Variants in PCDH15 observed in about 807,000 individuals in gnomAD.
PCDH15 encodes protocadherin related 15, also known as protocadherin-15.
PCDH15 carries 129 observed loss-of-function variants against 178.5 expected under a neutral mutation model. That is an observed-to-expected ratio of 0.72 (90% CI 0.63 to 0.84). The LOEUF (loss-of-function observed/expected upper bound fraction) is 0.84, where lower values mean the gene tolerates loss of function less well. Ranked by LOEUF, PCDH15 falls within the 40% of genes least tolerant of loss-of-function variation. PCDH15 has a pLI of 0.00. For synonymous variants in PCDH15, 800 were observed against 732.0 expected, an observed-to-expected ratio of 1.09 and a Z score of -1.50; for missense variants, 2,230 against 2,099.9, an observed-to-expected ratio of 1.06 and a Z score of -1.21.
chr10:54,576,951 T>A (rs2090535104), intron 2 of PCDH15, among the ~76,000 whole-genome samples: 1 of 152,122 alleles, frequency 6.6e-6, no homozygotes, highest in Non-Finnish European at 1.5e-5. Flanking sequence ...CCAAGTTATT[T>A]TTTTTTACTG....
chr10:54,685,217 C>T (rs959461261), intron 1 of PCDH15, among the ~76,000 whole-genome samples: 7 of 151,928 alleles, frequency 4.6e-5, no homozygotes, highest in Non-Finnish European at 8.8e-5. Context: ...GATAATAATG[C>T]CTTCTTCTGG....
chr10:54,172,094 C>T (rs1230946045), intron 13 of PCDH15, among the ~76,000 whole-genome samples: 3 of 152,088 alleles, frequency 2.0e-5, no homozygotes, highest in Non-Finnish European at 4.4e-5. Context: ...CATCGCATCC[C>T]CTGTGACTTG....
intron 18 of PCDH15, among the ~76,000 whole-genome samples, chr10:54,064,886 G>A (rs2094107701): frequency 6.6e-6 from 1 of 152,164 alleles, no homozygotes; most frequent in African/African-American, 2.4e-5. Flanking sequence ...GGCAGCTGGA[G>A]CTACACCCAG....
chr10:54,966,201 A>C (rs1838783487), intron 2 of PCDH15, among the ~76,000 whole-genome samples: 2 of 152,008 alleles, frequency 1.3e-5, no homozygotes, highest in South Asian at 4.1e-4. Context: ...TTTTTAAAAA[A>C]ATATTGTTTT....
At chr10:55,380,824 C>T (rs1029972772) in intron 2 of PCDH15, among the ~76,000 whole-genome samples, 3 of 152,088 alleles carry the variant, frequency 2.0e-5, no homozygotes, top group East Asian at 1.9e-4. Context: ...GGCTAGATAA[C>T]GTGTTATCTT....
intron 3 of PCDH15, among the ~76,000 whole-genome samples, chr10:54,413,695 A>G (rs1953897875): frequency 1.3e-5 from 2 of 152,178 alleles, no homozygotes; most frequent in African/African-American, 4.8e-5. Context: ...TAACTTTCTT[A>G]TATTTCATCA....
intron 2 of PCDH15, among the ~76,000 whole-genome samples, chr10:55,076,443 T>TA (rs569630679): frequency 1.3e-5 from 2 of 150,444 alleles, no homozygotes; most frequent in Non-Finnish European, 1.5e-5. Flanking sequence ...TTTTTTTTTT[T>TA]ATCTTCTTGG....
intron 3 of PCDH15, among the ~76,000 whole-genome samples, chr10:54,822,599 G>C (rs116087775): frequency 0.014 from 2,201 of 152,092 alleles, 48 homozygotes; most frequent in African/African-American, 0.049. Context: ...ATAAGCATAG[G>C]GGTGCAAGTA....
At chr10:54,450,135 AT>A (rs1554976348) in intron 3 of PCDH15, among the ~76,000 whole-genome samples, 1 of 47,618 alleles carries the variant, frequency 2.1e-5, no homozygotes, top group East Asian at 3.9e-4. Flanking sequence ...TTATAAATAT[AT>A]ATATATATAT....
intron 2 of PCDH15, among the ~76,000 whole-genome samples, chr10:54,916,129 G>A (rs1954897942): frequency 6.6e-6 from 1 of 150,606 alleles, no homozygotes; most frequent in Non-Finnish European, 1.5e-5. Flanking sequence ...CTGCAACCAT[G>A]CCTGGCTAAT....
intron 9 of PCDH15, among the ~76,000 whole-genome samples, chr10:54,234,336 T>G (rs1476595322): frequency 6.6e-6 from 1 of 152,210 alleles, no homozygotes; most frequent in Non-Finnish European, 1.5e-5. Flanking sequence ...TACAATGTAT[T>G]GGATCAAATT....
chr10:54,320,172 A>G (rs572065728), intron 7 of PCDH15, among the ~76,000 whole-genome samples: 2 of 152,234 alleles, frequency 1.3e-5, no homozygotes, highest in East Asian at 3.9e-4. Flanking sequence ...TGTCACTAAA[A>G]GCAGATACTT....
At chr10:55,450,502 G>A (rs759789970) in intron 2 of PCDH15, among the ~76,000 whole-genome samples, 3 of 152,084 alleles carry the variant, frequency 2.0e-5, no homozygotes, top group African/African-American at 7.2e-5. Flanking sequence ...AGCCCTCTCC[G>A]GCATTTACCT....
At chr10:54,527,110 A>G (rs549463964) in intron 3 of PCDH15, among the ~76,000 whole-genome samples, 1 of 152,170 alleles carries the variant, frequency 6.6e-6, no homozygotes, top group South Asian at 2.1e-4. Context: ...GAGTCCCAAG[A>G]GATAACCATT....
At chr10:55,333,105 G>A (rs1354367392) in intron 2 of PCDH15, among the ~76,000 whole-genome samples, 1 of 152,122 alleles carries the variant, frequency 6.6e-6, no homozygotes, top group Admixed American at 6.6e-5. Context: ...ATAAAATAAT[G>A]TGGTAATTTG....
chr10:54,125,591 A>C (rs1319973445), intron 15 of PCDH15, among the ~76,000 whole-genome samples: 2 of 152,186 alleles, frequency 1.3e-5, no homozygotes, highest in African/African-American at 4.8e-5. Flanking sequence ...CATTCCTTAG[A>C]GAAGACAGCA....
At chr10:54,863,214 A>T (rs1953876417) in intron 3 of PCDH15, among the ~76,000 whole-genome samples, 1 of 152,150 alleles carries the variant, frequency 6.6e-6, no homozygotes, top group Non-Finnish European at 1.5e-5. Flanking sequence ...GCTTTGAAAG[A>T]GGGCTCTAAT....
At position 54,865,695 on chromosome 10, in the gene PCDH15, G is replaced by C. The variant is rs558094017; in HGVS notation, c.-29+31755C>G. On this transcript the variant is annotated intron_variant, in intron 3 of 5. Coordinates refer to the PCDH15 transcript ENST00000458638. ...ATCACAATGTGATCATTTAGACTAA[G>C]ACAAAAATCAAAGCTAGACAAAGGA... Among the ~76,000 whole-genome samples, 103 of 152,016 alleles carry C rather than the reference G, an allele frequency of 6.8e-4. 1 individual carries two copies. The highest frequency in any genetic ancestry group is 6.8e-3 in the Middle Eastern group (2 of 294).
At chr10:54,345,291 T>C (rs1316007636) in intron 6 of PCDH15, among the ~76,000 whole-genome samples, 3 of 152,112 alleles carry the variant, frequency 2.0e-5, no homozygotes, top group Non-Finnish European at 2.9e-5. Context: ...ATAGAGTTTT[T>C]TGTTTGTTTG....
Sources: gnomAD v4.1 joint callset for allele counts (sites outside exome capture counted in the v4.1 genomes callset) on GRCh38, gnomAD v4.1.1 for gene constraint, MANE v1.5 for transcripts, NCBI Gene and HGNC (gene_info 2026-07-23, HGNC 2026-07-21) for gene names.